Variants in NELL1 observed in about 807,000 individuals in gnomAD.
The protein encoded by NELL1 is neural EGFL like 1.
A neutral mutation model predicts 107.4 loss-of-function variants in NELL1; 76 were observed. The observed-to-expected ratio is 0.71, with a 90% CI of 0.59 to 0.86. The LOEUF is 0.86. NELL1 is among the 40% of genes least tolerant of loss of function. The pLI is 0.00. For missense variants in NELL1, 1,024 were observed against 1,005.5 expected (o/e 1.02, Z -0.25); for synonymous variants, 353 against 341.2 (o/e 1.03, Z -0.38).
intron 13 of NELL1, among the ~76,000 whole-genome samples, chr11:21,173,749 A>ATGTG (rs140675203): frequency 6.6e-6 from 1 of 150,520 alleles, no homozygotes; most frequent in Admixed American, 6.6e-5. Flanking sequence ...ATGTAGAGGT[A>ATGTG]TGTGTGTGTG....
At chr11:21,083,676 A>G (rs563709614) in intron 12 of NELL1, among the ~76,000 whole-genome samples, 5 of 152,164 alleles carry the variant, frequency 3.3e-5, no homozygotes, top group East Asian at 1.9e-4. Flanking sequence ...ATCTTAGTTT[A>G]GAGTATGTAT....
At chr11:21,469,184 C>A (rs1446597877) in intron 15 of NELL1, among the ~76,000 whole-genome samples, 1 of 151,964 alleles carries the variant, frequency 6.6e-6, no homozygotes, top group Non-Finnish European at 1.5e-5. Context: ...AAAACACATG[C>A]ATTTGTTTTT....
chr11:21,115,184 C>A (rs1855202792), intron 13 of NELL1, among the ~76,000 whole-genome samples: 2 of 152,084 alleles, frequency 1.3e-5, no homozygotes, highest in South Asian at 4.1e-4. Flanking sequence ...AATGTGTTAT[C>A]TTAAGAACTG....
At chr11:20,868,576 T>C (rs1482496865) in intron 4 of NELL1, among the ~76,000 whole-genome samples, 1 of 152,184 alleles carries the variant, frequency 6.6e-6, no homozygotes, top group Non-Finnish European at 1.5e-5. Flanking sequence ...ATTAATGTTA[T>C]ATATCAAAAA....
chr11:21,436,328 C>T (rs555929074), intron 15 of NELL1, among the ~76,000 whole-genome samples: 3 of 152,322 alleles, frequency 2.0e-5, no homozygotes, highest in Admixed American at 2.0e-4. Context: ...GCTGGGATTA[C>T]AGGCATGAAC....
In NELL1 at chr11:20,975,672, TTATA is replaced by T. The variant is rs1254037510; in HGVS notation, c.1300+15116_1300+15119del. On this transcript the variant is annotated intron_variant, in intron 12 of 19. Transcript: ENST00000357134. Reference sequence around the variant, plus strand: ...ATGTATGTATTATATAATATACATATTATATATGTATTATATAATGTATGTATTA... The same window carrying T: ...ATGTATGTATTATATAATATACATATTATGTATTATATAATGTATGTATTA... 3.7e-5 allele frequency among the ~76,000 whole-genome samples: 4 copies of T among 109,116 alleles called. 1 individual carries two copies. The highest frequency in any genetic ancestry group is 1.3e-4 in the African/African-American group (3 of 23,728). 71.6% of individuals were successfully genotyped at this position (109,116 alleles called of 152,430 possible).
chr11:21,321,758 C>T (rs1850016167), intron 14 of NELL1, among the ~76,000 whole-genome samples: 1 of 152,178 alleles, frequency 6.6e-6, no homozygotes, highest in South Asian at 2.1e-4. Flanking sequence ...TTTTCTTTAT[C>T]TTCTTTCTTT....
At chr11:21,039,055 A>C (rs923711581) in intron 12 of NELL1, among the ~76,000 whole-genome samples, 1 of 152,174 alleles carries the variant, frequency 6.6e-6, no homozygotes, top group Admixed American at 6.6e-5. Context: ...AAAAAGATCA[A>C]GGGGGTGATA....
intron 2 of NELL1, among the ~76,000 whole-genome samples, chr11:20,697,651 C>A (rs1454891812): frequency 6.6e-6 from 1 of 152,022 alleles, no homozygotes; most frequent in Non-Finnish European, 1.5e-5. Context: ...CGTTACAGTT[C>A]AGAAGGGCAA....
At chr11:20,693,600 G>A (rs1002342196) in intron 2 of NELL1, among the ~76,000 whole-genome samples, 75 of 152,218 alleles carry the variant, frequency 4.9e-4, no homozygotes, top group African/African-American at 1.7e-3. Flanking sequence ...CTTTAAGAAC[G>A]TTGAATATTG....
chr11:21,345,320 T>C (rs146007946), intron 14 of NELL1, among the ~76,000 whole-genome samples: 279 of 152,360 alleles, frequency 1.8e-3, no homozygotes, highest in African/African-American at 6.5e-3. Flanking sequence ...AGTTGCTCAA[T>C]GTCACACACA....
At chr11:21,098,809 C>T (rs1019880291) in intron 12 of NELL1, among the ~76,000 whole-genome samples, 7 of 151,992 alleles carry the variant, frequency 4.6e-5, no homozygotes, top group African/African-American at 1.7e-4. Context: ...ACCCTCTACC[C>T]TTCTCTCTCT....
At chr11:21,383,732 T>C (rs1232764726) in intron 15 of NELL1, 1 of 150,226 alleles carries the variant, frequency 6.7e-6, no homozygotes, top group African/African-American at 2.4e-5. Context: ...ATAAAAAGAA[T>C]AGAAAAATTA....
At chr11:21,170,275 A>T (rs895939699) in intron 13 of NELL1, 13 of 255,058 alleles carry the variant, frequency 5.1e-5, no homozygotes, top group African/African-American at 2.7e-4. Context: ...TGGACTGCAT[A>T]TTTTCTTTCA....
rs142081352 is a variant in NELL1, at chr11:20,850,594, G to A, written c.506+2841G>A. ...TTTGACCTATGAGTGTCTGCATCTAGCTACTACTAAGCTATTTAGCCCAAT... is the reference window on the plus strand; with the variant it reads ...TTTGACCTATGAGTGTCTGCATCTAACTACTACTAAGCTATTTAGCCCAAT... On this transcript the variant is annotated intron_variant, in intron 4 of 19. Coordinates refer to ENST00000357134, the MANE Select transcript of NELL1 (RefSeq NM_006157.5). 2.1e-3 allele frequency among the ~76,000 whole-genome samples: 319 copies of A among 152,292 alleles called. 1 individual carries two copies. The highest frequency in any genetic ancestry group is 7.0e-3 in the African/African-American group (289 of 41,570).
intron 12 of NELL1, among the ~76,000 whole-genome samples, chr11:21,042,482 T>C (rs1218707392): frequency 1.3e-5 from 2 of 152,164 alleles, no homozygotes; most frequent in Non-Finnish European, 2.9e-5. Flanking sequence ...GAGCACAGTA[T>C]TGCTGTGGAG....
At chr11:20,844,678 C>G (rs1848674745) in intron 3 of NELL1, among the ~76,000 whole-genome samples, 1 of 152,144 alleles carries the variant, frequency 6.6e-6, no homozygotes, top group African/African-American at 2.4e-5. Context: ...TTCATCAAGA[C>G]CAGCTGGCCA....
intron 14 of NELL1, among the ~76,000 whole-genome samples, chr11:21,290,039 G>A (rs1849214824): frequency 6.6e-6 from 1 of 152,130 alleles, no homozygotes; most frequent in South Asian, 2.1e-4. Flanking sequence ...CATAGCACCT[G>A]GGGGAAGGGG....
At chr11:21,190,558 A>C (rs1467564357) in intron 13 of NELL1, among the ~76,000 whole-genome samples, 1 of 151,764 alleles carries the variant, frequency 6.6e-6, no homozygotes. Flanking sequence ...CCTTCATCTT[A>C]AAATCCTTGA....
Sources: gnomAD v4.1 joint callset for allele counts (sites outside exome capture counted in the v4.1 genomes callset) on GRCh38, gnomAD v4.1.1 for gene constraint, MANE v1.5 for transcripts, NCBI Gene and HGNC (gene_info 2026-07-23, HGNC 2026-07-21) for gene names.